Variants in AP1B1 observed in about 807,000 individuals in gnomAD.
The protein encoded by AP1B1 is adaptor related protein complex 1 subunit beta 1.
In AP1B1, 36 loss-of-function variants were observed where a neutral mutation model predicts 104.3. The observed-to-expected ratio is 0.35, with a 90% CI of 0.26 to 0.46. The LOEUF (loss-of-function observed/expected upper bound fraction) is 0.46, where lower values mean the gene tolerates loss of function less well. AP1B1 is among the 20% of genes least tolerant of loss of function. AP1B1 has a pLI of 1.00. For missense variants in AP1B1, 901 were observed against 1,247.9 expected, an observed-to-expected ratio of 0.72 and a Z score of 4.19; for synonymous variants, 504 against 517.5, an observed-to-expected ratio of 0.97 and a Z score of 0.35.
At chr22:29,375,349 C>CAA (rs547697174) in intron 1 of AP1B1, among the ~76,000 whole-genome samples, 12 of 57,376 alleles carry the variant, frequency 2.1e-4, no homozygotes, top group Non-Finnish European at 2.9e-4. Flanking sequence ...GATTCCATCA[C>CAA]AAAAAAAAAA....
At chr22:29,371,225 T>C (rs1035000311) in intron 1 of AP1B1, among the ~76,000 whole-genome samples, 5 of 152,326 alleles carry the variant, frequency 3.3e-5, no homozygotes, top group African/African-American at 1.2e-4. Context: ...TGGATATCAG[T>C]GCAAGAGATT....
intron 16 of AP1B1, among the ~76,000 whole-genome samples, chr22:29,337,100 T>G (rs2061649537): frequency 6.6e-6 from 1 of 152,236 alleles, no homozygotes; most frequent in African/African-American, 2.4e-5. Flanking sequence ...CTGCTGGCCC[T>G]GACACCCCAC....
chr22:29,356,686 A>C, intron 5 of AP1B1, 70 bp from the exon 6 acceptor site: 1 of 1,443,232 alleles, frequency 6.9e-7, no homozygotes, highest in Admixed American at 1.8e-5. Context: ...TGCATTAATG[A>C]TGCTGGCTGG....
At chr22:29,330,983 C>A (rs556755700) in intron 19 of AP1B1, among the ~76,000 whole-genome samples, 4 of 152,200 alleles carry the variant, frequency 2.6e-5, no homozygotes, top group Admixed American at 6.5e-5. Context: ...CGGTGAGCAG[C>A]CTGCTCGTTA....
At chr22:29,332,180 C>G (rs1156814194) in intron 17 of AP1B1, 1 of 383,274 alleles carries the variant, frequency 2.6e-6, no homozygotes, top group Non-Finnish European at 4.7e-6. Flanking sequence ...AGCTCTGTTC[C>G]TCTCCTCTGG....
At chr22:29,349,158 G>A in intron 11 of AP1B1, 60 bp downstream of exon 11, 1 of 1,586,410 alleles carries the variant, frequency 6.3e-7, no homozygotes, top group Non-Finnish European at 8.6e-7. Context: ...TGGCAGTATG[G>A]GCCACAGTGG....
At chr22:29,383,935 C>T (rs1445545320) in intron 1 of AP1B1, among the ~76,000 whole-genome samples, 1 of 152,136 alleles carries the variant, frequency 6.6e-6, no homozygotes, top group Admixed American at 6.6e-5. Context: ...GGCTAAAGAC[C>T]CAGACAGCAT....
intron 1 of AP1B1, among the ~76,000 whole-genome samples, chr22:29,372,478 T>G (rs1358418656): frequency 6.7e-6 from 1 of 149,322 alleles, no homozygotes; most frequent in Non-Finnish European, 1.5e-5. Context: ...CAATAAAGCC[T>G]AAAATATAGT....
At chr22:29,379,174 C>T (rs950402271) in intron 1 of AP1B1, among the ~76,000 whole-genome samples, 5 of 152,086 alleles carry the variant, frequency 3.3e-5, no homozygotes, top group Non-Finnish European at 5.9e-5. Context: ...GCCAACATGG[C>T]GAAACCTATC....
intron 1 of AP1B1, among the ~76,000 whole-genome samples, chr22:29,369,125 C>G (rs528089838): frequency 6.6e-6 from 1 of 152,242 alleles, no homozygotes; most frequent in African/African-American, 2.4e-5. Context: ...TATCTCCTTT[C>G]AAGTCATTAC....
chr22:29,328,611 C>A lies in AP1B1; in HGVS notation c.*210G>T. 1 of 576,300 alleles carries A rather than the reference C, an allele frequency of 1.7e-6. No individual in the cohort carries two copies. 35.7% of individuals were successfully genotyped at this position (576,300 alleles called of 1,614,324 possible). A position where few individuals can be genotyped will look rare whatever the true frequency, so the allele number is the denominator to read the frequency against. ...ATCACAGCCACAGGAGCAGGGGTGT[C>A]CCAGAGCACGGGAGTGCACTGCGCT... On this transcript the variant is annotated 3_prime_UTR_variant, in exon 23 of 23. Coordinates refer to ENST00000357586, the MANE Select transcript of AP1B1 (RefSeq NM_001127.4). The surrounding 1 kb of genome is among the most constrained non-coding windows in gnomAD (Gnocchi z 4.1).
chr22:29,349,075 G>A (rs189718904), intron 11 of AP1B1, 143 bp downstream of exon 11: 45 of 915,798 alleles, frequency 4.9e-5, no homozygotes, highest in African/African-American at 2.6e-4. Context: ...GAAAAGGGGC[G>A]GTGTCCATTA....
chr22:29,360,305 T>C (rs1365478499), intron 3 of AP1B1, among the ~76,000 whole-genome samples: 1 of 152,314 alleles, frequency 6.6e-6, no homozygotes, highest in African/African-American at 2.4e-5. Flanking sequence ...GTCTCAATTT[T>C]CTAACTTCCA....
At chr22:29,337,439 T>C (rs1265211659) in intron 16 of AP1B1, among the ~76,000 whole-genome samples, 3 of 152,150 alleles carry the variant, frequency 2.0e-5, no homozygotes, top group Admixed American at 6.5e-5. Flanking sequence ...CCACTGCAGG[T>C]GCAGCTGGCA....
intron 21 of AP1B1, 100 bp downstream of exon 21, chr22:29,330,278 C>A (rs758790897): frequency 3.8e-6 from 6 of 1,564,406 alleles, no homozygotes; most frequent in Non-Finnish European, 5.2e-6. Context: ...TCAAGCCAGG[C>A]TTGAAGGGAC....
rs71781076 is a variant in AP1B1 at position 29,351,926 on chromosome 22, G to GCAC, written c.939-102_939-101insGTG. ...TGGGACATTTCTGGGGTCTGAGGTG[G>GCAC]AGCCTGATGTCTGTGAAGGCAGAGT... On this transcript the variant is annotated intron_variant, in intron 7 of 22. Transcript: ENST00000357586. 4 of 1,465,846 alleles carry GCAC rather than the reference G, an allele frequency of 2.7e-6. No individual in the cohort carries two copies. In the South Asian group the frequency reaches 3.9e-5, roughly 14 times the overall value. 90.8% of individuals were successfully genotyped at this position (1,465,846 alleles called of 1,614,324 possible).
chr22:29,359,991 A>AAATGGTGTCAAAAT (rs771934461), intron 3 of AP1B1, 32 bp from the exon 4 acceptor site: 2 of 1,600,290 alleles, frequency 1.2e-6, no homozygotes, highest in African/African-American at 2.7e-5. Flanking sequence ...AGCATGGGAA[A>AAATGGTGTCAAAAT]GGCTGAACAA....
intron 6 of AP1B1, among the ~76,000 whole-genome samples, chr22:29,356,027 G>C (rs1429307075): frequency 2.0e-5 from 3 of 152,206 alleles, no homozygotes; most frequent in African/African-American, 7.2e-5. Context: ...CTAAGCTGGA[G>C]CTCCCTCATC....
intron 3 of AP1B1, among the ~76,000 whole-genome samples, chr22:29,360,637 G>A (rs2062030746): frequency 6.6e-6 from 1 of 152,212 alleles, no homozygotes. Context: ...GCCCTCAGAA[G>A]TCAGGGGATG....
Sources: gnomAD v4.1 joint callset for allele counts (sites outside exome capture counted in the v4.1 genomes callset) on GRCh38, gnomAD v4.1.1 for gene constraint, Gnocchi (gnomAD v3.1) non-coding constraint, MANE v1.5 for transcripts, NCBI Gene and HGNC (gene_info 2026-07-23, HGNC 2026-07-21) for gene names.